Variants in SULT2B1 observed in about 807,000 individuals in gnomAD.
SULT2B1 encodes the protein sulfotransferase family 2B member 1.
SULT2B1 carries 16 observed loss-of-function variants against 33.2 expected under a neutral mutation model. The ratio of observed to expected loss-of-function variants is 0.48; its 90% CI spans 0.33 to 0.73. The LOEUF (loss-of-function observed/expected upper bound fraction) is 0.73, where lower values mean the gene tolerates loss of function less well. Ranked by LOEUF, SULT2B1 falls within the 30% of genes least tolerant of loss-of-function variation. SULT2B1 has a pLI of 0.02. For synonymous variants in SULT2B1, 186 were observed against 200.5 expected, an observed-to-expected ratio of 0.93 and a Z score of 0.61; for missense variants, 500 against 506.0, an observed-to-expected ratio of 0.99 and a Z score of 0.11.
At chr19:48,554,865 G>T (rs1973077308) in intron 1 of SULT2B1, among the ~76,000 whole-genome samples, 1 of 151,566 alleles carries the variant, frequency 6.6e-6, no homozygotes, top group Non-Finnish European at 1.5e-5. Flanking sequence ...TGAGTAACTT[G>T]CCTAGGGTCA....
At chr19:48,560,377 G>A (rs1973159879) in intron 1 of SULT2B1, among the ~76,000 whole-genome samples, 1 of 151,930 alleles carries the variant, frequency 6.6e-6, no homozygotes, top group African/African-American at 2.4e-5. Context: ...TTTTACAGAT[G>A]GGAAAACTGA....
chr19:48,568,507 A>G lies in SULT2B1; in HGVS notation c.72-7434A>G, dbSNP rs545437693. ...CCAGTCACACTCCTGCCAAGAGAGT[A>G]TCTCTGCGCCACGGCCAAGGGTGAG... On this transcript the variant is annotated intron_variant, in intron 1 of 6. Transcript: ENST00000201586. Among the ~76,000 whole-genome samples the G allele has an allele frequency of 1.1e-3, 174 of 152,202 alleles. 1 individual carries two copies. In the Middle Eastern group the frequency reaches 0.024, roughly 21 times the overall value.
At chr19:48,561,723 AG>A (rs1346393228) in intron 1 of SULT2B1, among the ~76,000 whole-genome samples, 2 of 152,128 alleles carry the variant, frequency 1.3e-5, no homozygotes, top group African/African-American at 4.8e-5. Context: ...TCAGGCTTCA[AG>A]GGACAGAGCC....
intron 3 of SULT2B1, among the ~76,000 whole-genome samples, chr19:48,590,022 C>T (rs1408333922): frequency 6.6e-6 from 1 of 151,922 alleles, no homozygotes; most frequent in Non-Finnish European, 1.5e-5. Flanking sequence ...TCTTGTTGCC[C>T]AGGCTGGAGT....
At chr19:48,570,035 G>A (rs954850969) in intron 1 of SULT2B1, among the ~76,000 whole-genome samples, 2 of 152,100 alleles carry the variant, frequency 1.3e-5, no homozygotes, top group South Asian at 2.1e-4. Context: ...GGATTAGGAC[G>A]ACAACATCAT....
At chr19:48,596,438 T>C in intron 5 of SULT2B1, 1 of 135,058 alleles carries the variant, frequency 7.4e-6, no homozygotes, top group South Asian at 1.5e-4. Flanking sequence ...TGCCCCCCAC[T>C]GTGACCTCTG....
chr19:48,576,033 C>A lies in SULT2B1; in HGVS notation c.164C>A (p.Thr55Asn). ...GAGAGCATCAGCTTGGCGGAGAACA[C>A]CCAAGATGTGCGGGACGACGACATC... ...SLESISLAEN[T>N]QDVRDDDIFI... Residue 55 changes from threonine (T) to asparagine (N), a missense_variant, in exon 2 of 7, where the codon ACC (threonine) becomes AAC (asparagine). Transcript: ENST00000201586. The A allele has an allele frequency of 6.2e-7, 1 of 1,613,922 alleles. No individual in the cohort carries two copies. Among genetic ancestry groups the A allele is most frequent in the East Asian group, 2.2e-5 (1 of 44,876 alleles).
chr19:48,574,410 C>T (rs3760808), intron 1 of SULT2B1, among the ~76,000 whole-genome samples: 45,725 of 152,136 alleles, frequency 0.3, 7,072 homozygotes, highest in East Asian at 0.41. Context: ...CCAAGAGGAA[C>T]GGGCAAGATG....
Position 48,587,451 on chromosome 19 carries a change from G to GT in SULT2B1, c.423+15dup. On this transcript the variant is annotated intron_variant, in intron 3 of 6. Transcript: ENST00000201586. Reference sequence around the variant, plus strand: ...TCCAAGGCCAAGGTTGGGAGGAGGGGTGTGTGTCAGTTGGGAGGGGCTGCA... The same window carrying GT: ...TCCAAGGCCAAGGTTGGGAGGAGGGGTTGTGTGTCAGTTGGGAGGGGCTGCA... The GT allele has an allele frequency of 5.0e-6, 8 of 1,614,020 alleles. No homozygotes were observed. The highest frequency in any genetic ancestry group is 6.8e-6 in the Non-Finnish European group (8 of 1,179,928).
intron 1 of SULT2B1, among the ~76,000 whole-genome samples, chr19:48,555,176 C>T (rs191090941): frequency 3.3e-5 from 5 of 152,286 alleles, no homozygotes; most frequent in South Asian, 2.1e-4. Context: ...ACTACAACCT[C>T]GGCCTCCCAG....
chr19:48,558,774 T>G (rs1973138215), intron 1 of SULT2B1, among the ~76,000 whole-genome samples: 1 of 141,208 alleles, frequency 7.1e-6, no homozygotes, highest in African/African-American at 2.7e-5. Context: ...AACAGCCGCC[T>G]CCGGGGTTCA....
chr19:48,553,882 C>T (rs1973058601), intron 1 of SULT2B1, among the ~76,000 whole-genome samples: 1 of 152,198 alleles, frequency 6.6e-6, no homozygotes, highest in South Asian at 2.1e-4. Flanking sequence ...CAATTCTTCT[C>T]TCCAGAGATA....
intron 3 of SULT2B1, among the ~76,000 whole-genome samples, chr19:48,590,367 C>T (rs76685169): frequency 0.038 from 5,776 of 151,980 alleles, 243 homozygotes; most frequent in East Asian, 0.21. Flanking sequence ...TTGGGGAGGC[C>T]GAAGCAGATG....
In SULT2B1 at chr19:48,599,113, C is replaced by G; in HGVS notation, c.827-22C>G. 2 of 1,555,388 alleles carry G rather than the reference C, an allele frequency of 1.3e-6. No homozygotes were observed. The highest frequency in any genetic ancestry group is 1.7e-6 in the Non-Finnish European group (2 of 1,154,904). The stretch of plus-strand genomic sequence containing the variant: ...AGTGCTCCCCAGAGGCTCCTCACCC[C>G]CTGGTGCCCCCTCTTCTCCAGGGGT... On this transcript the variant is annotated intron_variant, in intron 6 of 6. Coordinates refer to ENST00000201586, the MANE Select transcript of SULT2B1 (RefSeq NM_177973.2). The surrounding 1 kb of genome is among the most constrained non-coding windows in gnomAD (Gnocchi z 4.1).
Position 48,558,679 on chromosome 19 carries a change from CTTTTTTTTTTTTTT to C in SULT2B1, c.71+6365_71+6378del, listed in dbSNP as rs869189397. Among the ~76,000 whole-genome samples the C allele has an allele frequency of 2.5e-3, 264 of 106,164 alleles. 2 individuals are homozygous for C. Among genetic ancestry groups the C allele is most frequent in the African/African-American group, 9.9e-3 (238 of 24,070 alleles). 69.6% of individuals were successfully genotyped at this position (106,164 alleles called of 152,430 possible). On this transcript the variant is annotated intron_variant, in intron 1 of 6. Coordinates refer to ENST00000201586, the MANE Select transcript of SULT2B1 (RefSeq NM_177973.2). ...TGCTTTTTCTTTTTTCTTTTCTTTT[CTTTTTTTTTTTTTT>C]TTTTTTTTGAGACAGAGTTTCACTC...
chr19:48,579,795 CG>C, intron 2 of SULT2B1, among the ~76,000 whole-genome samples: 1 of 149,394 alleles, frequency 6.7e-6, no homozygotes, highest in South Asian at 2.1e-4. Flanking sequence ...TTAGTAGAGA[CG>C]GGGTTTCACC....
chr19:48,599,054 A>G lies in SULT2B1; in HGVS notation c.827-81A>G. 6.6e-7 allele frequency: 1 copy of G among 1,510,946 alleles called. No homozygotes were observed. Among genetic ancestry groups the G allele is most frequent in the African/African-American group, 1.4e-5 (1 of 72,070 alleles). 93.6% of individuals were successfully genotyped at this position (1,510,946 alleles called of 1,614,324 possible). A position where few individuals can be genotyped will look rare whatever the true frequency, so the allele number is the denominator to read the frequency against. ...CACCTCGCCAAAGGCCGGGAAGGGGAAGGAGGTTGCTGGAATGTTGGAGGT... is the reference window on the plus strand; with the variant it reads ...CACCTCGCCAAAGGCCGGGAAGGGGGAGGAGGTTGCTGGAATGTTGGAGGT... On this transcript the variant is annotated intron_variant, in intron 6 of 6. Transcript: ENST00000201586. This position sits in a 1 kb window ranked among gnomAD's most constrained non-coding sequence, Gnocchi z 4.1.
chr19:48,567,651 C>T (rs777961066), intron 1 of SULT2B1, among the ~76,000 whole-genome samples: 8 of 152,016 alleles, frequency 5.3e-5, no homozygotes, highest in Non-Finnish European at 1.2e-4. Flanking sequence ...TCCCAGCTCT[C>T]CTGCTAGTGA....
At chr19:48,571,862 C>A (rs918928777) in intron 1 of SULT2B1, among the ~76,000 whole-genome samples, 4 of 152,074 alleles carry the variant, frequency 2.6e-5, no homozygotes, top group Non-Finnish European at 5.9e-5. Flanking sequence ...ACATTTGGAA[C>A]AAAGACTTGA....
Sources: allele counts gnomAD v4.1 joint callset (sites outside exome capture counted in the v4.1 genomes callset), GRCh38; gene constraint gnomAD v4.1.1; non-coding constraint Gnocchi (gnomAD v3.1); transcripts MANE v1.5; gene names NCBI Gene and HGNC (gene_info 2026-07-23, HGNC 2026-07-21).